The following ZNF804B variants were observed in gnomAD, a reference collection of about 807,000 sequenced individuals.
ZNF804B encodes zinc finger 804B.
A neutral mutation model predicts 101.4 loss-of-function variants in ZNF804B; 80 were observed. The ratio of observed to expected loss-of-function variants is 0.79; its 90% CI spans 0.66 to 0.95. The LOEUF is 0.95. Among genes scored for constraint, ZNF804B ranks in the 40% least tolerant of loss-of-function variants. ZNF804B has a pLI of 0.00. For synonymous variants in ZNF804B, 622 were observed against 558.8 expected (o/e 1.11, Z -1.59); for missense variants, 1,673 against 1,561.9 (o/e 1.07, Z -1.20).
intron 1 of ZNF804B, among the ~76,000 whole-genome samples, chr7:89,115,195 C>T (rs541294372): frequency 6.6e-6 from 1 of 152,012 alleles, no homozygotes; most frequent in South Asian, 2.1e-4. Context: ...ACAAGATTCC[C>T]GAATGAAAGA....
chr7:88,953,561 A>G (rs1190498258), intron 1 of ZNF804B, among the ~76,000 whole-genome samples: 1 of 151,762 alleles, frequency 6.6e-6, no homozygotes, highest in Non-Finnish European at 1.5e-5. Context: ...TATTTTGTAC[A>G]TCTTTGTATC....
At chr7:89,050,276 C>G (rs1789178805) in intron 1 of ZNF804B, among the ~76,000 whole-genome samples, 1 of 152,070 alleles carries the variant, frequency 6.6e-6, no homozygotes, top group Admixed American at 6.6e-5. Flanking sequence ...CCTATAATTT[C>G]CTTTCTGGTC....
chr7:88,970,423 A>G (rs1185698115), intron 1 of ZNF804B, among the ~76,000 whole-genome samples: 1 of 151,342 alleles, frequency 6.6e-6, no homozygotes, highest in Non-Finnish European at 1.5e-5. Context: ...GACACTGAAA[A>G]ATAAAAACTT....
rs200482259 is a variant in ZNF804B, at chr7:88,845,297, G to GCACACACACACACACA, written c.108+85214_108+85215insACACACACACACACAC. 3.9e-4 allele frequency among the ~76,000 whole-genome samples: 47 copies of GCACACACACACACACA among 119,886 alleles called. 1 individual carries two copies. The highest frequency in any genetic ancestry group is 1.4e-3 in the African/African-American group (44 of 31,652). The allele number at this position is 119,886 out of a possible 152,430, so 78.6% of individuals were successfully genotyped here. On this transcript the variant is annotated intron_variant, in intron 1 of 3. Coordinates refer to ENST00000333190, the MANE Select transcript of ZNF804B (RefSeq NM_181646.5). ...TGTGTGCGCACGCGCGCGCGCACGCGCGCGCACACACACACACACACACAA... is the reference window on the plus strand; with the variant it reads ...TGTGTGCGCACGCGCGCGCGCACGCGCACACACACACACACACGCGCACACACACACACACACACAA...
intron 2 of ZNF804B, among the ~76,000 whole-genome samples, chr7:89,297,012 A>G (rs1416140175): frequency 6.6e-6 from 1 of 152,068 alleles, no homozygotes; most frequent in East Asian, 1.9e-4. Flanking sequence ...AATTATGTGT[A>G]CAAAATTGAG....
At chr7:89,166,877 C>T (rs1366675075) in intron 1 of ZNF804B, among the ~76,000 whole-genome samples, 1 of 152,108 alleles carries the variant, frequency 6.6e-6, no homozygotes, top group African/African-American at 2.4e-5. Context: ...TATGTACGTA[C>T]CACAGTTATG....
intron 2 of ZNF804B, among the ~76,000 whole-genome samples, chr7:89,255,645 A>G (rs1789618142): frequency 6.6e-6 from 1 of 152,226 alleles, no homozygotes; most frequent in African/African-American, 2.4e-5. Flanking sequence ...CTGCAAGAGT[A>G]TAGGAAAATA....
Position 88,881,309 on chromosome 7 carries a change from T to C in ZNF804B, c.108+121225T>C, listed in dbSNP as rs544308025. 1.2e-4 allele frequency among the ~76,000 whole-genome samples: 19 copies of C among 152,258 alleles called. No individual in the cohort carries two copies. The South Asian group carries it at 3.7e-3, about 30-fold the overall frequency. ...GAAAAAGAATTTCAGTCTGTACTCA[T>C]AAAAATACTATGAGATTATATTGCT... On this transcript the variant is annotated intron_variant, in intron 1 of 3. Coordinates refer to ENST00000333190, the MANE Select transcript of ZNF804B (RefSeq NM_181646.5).
At chr7:89,017,301 C>G (rs1199075068) in intron 1 of ZNF804B, among the ~76,000 whole-genome samples, 1 of 152,168 alleles carries the variant, frequency 6.6e-6, no homozygotes, top group Non-Finnish European at 1.5e-5. Context: ...ATTTGACTTC[C>G]TCTTTTCCTA....
At chr7:89,004,112 G>A (rs916746161) in intron 1 of ZNF804B, among the ~76,000 whole-genome samples, 24 of 150,144 alleles carry the variant, frequency 1.6e-4, no homozygotes, top group Middle Eastern at 7.1e-3. Flanking sequence ...TTTATTGTGG[G>A]CAAGGACTGG....
At chr7:88,946,761 T>A (rs1347487626) in intron 1 of ZNF804B, among the ~76,000 whole-genome samples, 1 of 151,992 alleles carries the variant, frequency 6.6e-6, no homozygotes, top group Non-Finnish European at 1.5e-5. Context: ...AGGCTATTAA[T>A]TACTGCCTCA....
At chr7:89,027,483 C>G (rs1788767727) in intron 1 of ZNF804B, among the ~76,000 whole-genome samples, 1 of 152,150 alleles carries the variant, frequency 6.6e-6, no homozygotes, top group South Asian at 2.1e-4. Context: ...TTAGATTTCT[C>G]AGCCCTTCTT....
At chr7:88,922,347 A>G (rs1792730763) in intron 1 of ZNF804B, among the ~76,000 whole-genome samples, 2 of 152,060 alleles carry the variant, frequency 1.3e-5, no homozygotes, top group East Asian at 1.9e-4. Flanking sequence ...ACTAAAAGAC[A>G]TCCTCTGTCC....
chr7:88,978,639 C>T (rs1180266721), intron 1 of ZNF804B, among the ~76,000 whole-genome samples: 1 of 151,096 alleles, frequency 6.6e-6, no homozygotes, highest in Non-Finnish European at 1.5e-5. Context: ...AGACCATTTG[C>T]TCTTGTTTTT....
At chr7:89,171,288 G>GCTTCTT (rs1203060273) in intron 1 of ZNF804B, among the ~76,000 whole-genome samples, 4,251 of 82,048 alleles carry the variant, frequency 0.052, 174 homozygotes, top group Non-Finnish European at 0.076. Flanking sequence ...TGCTGCTGCT[G>GCTTCTT]CTTCTTCTTC....
At chr7:88,861,803 C>T (rs1262945321) in intron 1 of ZNF804B, among the ~76,000 whole-genome samples, 2 of 152,136 alleles carry the variant, frequency 1.3e-5, no homozygotes, top group African/African-American at 4.8e-5. Flanking sequence ...CATACTTTAA[C>T]TATTTTGGAG....
intron 1 of ZNF804B, among the ~76,000 whole-genome samples, chr7:89,194,397 TCCTGAATGGTAATG>T (rs1381668650): frequency 1.3e-5 from 2 of 150,904 alleles, no homozygotes; most frequent in African/African-American, 4.9e-5. Context: ...CATGCCTATG[TCCTGAATGGTAATG>T]CCTAGGTTTT....
chr7:89,153,495 G>A (rs971798747), intron 1 of ZNF804B, among the ~76,000 whole-genome samples: 4 of 151,064 alleles, frequency 2.6e-5, no homozygotes, highest in Admixed American at 6.6e-5. Flanking sequence ...CTGAATAGAC[G>A]TTTACTTTTG....
chr7:88,787,624 C>T (rs1790321548), intron 1 of ZNF804B, among the ~76,000 whole-genome samples: 1 of 152,120 alleles, frequency 6.6e-6, no homozygotes, highest in Non-Finnish European at 1.5e-5. Flanking sequence ...GAACTTTACA[C>T]CATTGTTTTA....
Sources: gnomAD v4.1 joint callset for allele counts (sites outside exome capture counted in the v4.1 genomes callset) on GRCh38, gnomAD v4.1.1 for gene constraint, MANE v1.5 for transcripts, NCBI Gene and HGNC (gene_info 2026-07-23, HGNC 2026-07-21) for gene names.